ITPR1: variants seen among roughly 807,000 people sequenced by gnomAD.
ITPR1 encodes the protein inositol 1,4,5-trisphosphate receptor type 1, also known as inositol 1,4,5-trisphosphate-gated calcium channel ITPR1.
A neutral mutation model predicts 318.4 loss-of-function variants in ITPR1; 96 were observed. The ratio of observed to expected loss-of-function variants is 0.30; its 90% CI spans 0.26 to 0.36. The LOEUF is 0.36. Among genes scored for constraint, ITPR1 ranks in the 10% least tolerant of loss-of-function variants. ITPR1 has a pLI of 1.00. For synonymous variants in ITPR1, 1,312 were observed against 1,289.9 expected, an observed-to-expected ratio of 1.02 and a Z score of -0.37; for missense variants, 2,440 against 3,460.2, an observed-to-expected ratio of 0.71 and a Z score of 7.40.
At chr3:4,646,031 ACAAATT>A (rs575816286) in intron 10 of ITPR1, 47 of 305,908 alleles carry the variant, frequency 1.5e-4, no homozygotes, top group Middle Eastern at 1.0e-3. Context: ...TACTTTGGAA[ACAAATT>A]CAAAAACGAA....
chr3:4,578,978 C>G (rs903585762), intron 4 of ITPR1, among the ~76,000 whole-genome samples: 11 of 152,084 alleles, frequency 7.2e-5, no homozygotes, highest in Admixed American at 4.6e-4. Context: ...CTGAGTAGAA[C>G]AAAAATTCCA....
chr3:4,644,393 G>A (rs1268391877), intron 8 of ITPR1, among the ~76,000 whole-genome samples, 159 bp downstream of exon 8: 4 of 152,224 alleles, frequency 2.6e-5, no homozygotes, highest in Admixed American at 1.3e-4. Context: ...AGGCTGCCGT[G>A]TAAGGTTGTG....
intron 60 of ITPR1, among the ~76,000 whole-genome samples, chr3:4,829,350 G>C (rs945854635): frequency 6.6e-6 from 1 of 152,088 alleles, no homozygotes; most frequent in Non-Finnish European, 1.5e-5. Flanking sequence ...ATATGCATGT[G>C]GTCTGAAGTC....
intron 36 of ITPR1, among the ~76,000 whole-genome samples, chr3:4,704,690 G>A (rs775569213): frequency 1.3e-5 from 2 of 152,160 alleles, no homozygotes; most frequent in East Asian, 3.8e-4. Context: ...GCTCATTAGA[G>A]AGGGGAAGTC....
chr3:4,755,322 C>T (rs2044879201), intron 44 of ITPR1, among the ~76,000 whole-genome samples: 1 of 152,014 alleles, frequency 6.6e-6, no homozygotes, highest in Admixed American at 6.6e-5. Context: ...GTCCCAGTTC[C>T]CGTGGGCACT....
rs541266181 is a variant in ITPR1 at position 4,670,246 on chromosome 3, C to T, written c.2006+473C>T. On this transcript the variant is annotated intron_variant, in intron 19 of 61. Transcript: ENST00000649015. ...GCAGTTTTCCTGAGAAGTACAGTGC[C>T]GGTAATATGGACAGCCTTAAAAAAC... 1.2e-3 allele frequency among the ~76,000 whole-genome samples: 186 copies of T among 152,204 alleles called. 2 individuals are homozygous for T. Among genetic ancestry groups the T allele is most frequent in the African/African-American group, 4.0e-3 (168 of 41,512 alleles).
intron 4 of ITPR1, among the ~76,000 whole-genome samples, chr3:4,599,317 C>A (rs1301925665): frequency 6.6e-6 from 1 of 152,226 alleles, no homozygotes; most frequent in African/African-American, 2.4e-5. Flanking sequence ...GACTCCTGCT[C>A]ACGCTTGTTT....
At chr3:4,688,895 A>C (rs979301682) in intron 31 of ITPR1, among the ~76,000 whole-genome samples, 1 of 152,236 alleles carries the variant, frequency 6.6e-6, no homozygotes, top group Non-Finnish European at 1.5e-5. Flanking sequence ...TCATTGTATC[A>C]AACTTCAGCA....
chr3:4,750,304 C>A (rs1442898513), intron 44 of ITPR1: 3 of 151,922 alleles, frequency 2.0e-5, no homozygotes, highest in Non-Finnish European at 4.4e-5. Context: ...GATGGCCATG[C>A]AGAGCACCCT....
chr3:4,769,345 C>T (rs906409856), intron 46 of ITPR1, among the ~76,000 whole-genome samples: 1 of 152,078 alleles, frequency 6.6e-6, no homozygotes, highest in Non-Finnish European at 1.5e-5. Flanking sequence ...TCTGTATGTG[C>T]CTATTGATGT....
Position 4,776,070 on chromosome 3 carries a change from G to A in ITPR1, c.6180+628G>A, listed in dbSNP as rs534949911. Among the ~76,000 whole-genome samples, 243 of 152,220 alleles carry A rather than the reference G, an allele frequency of 1.6e-3. 2 individuals carry two copies. The highest frequency in any genetic ancestry group is 5.5e-3 in the African/African-American group (227 of 41,526). ...GAGTTTTTGCATTGTGCTAGGTTGA[G>A]TATGATGTTTTGTTTGTTTGTTTTT... On this transcript the variant is annotated intron_variant, in intron 47 of 61. Coordinates refer to ENST00000649015, the MANE Select transcript of ITPR1 (RefSeq NM_001378452.1).
In ITPR1 at chr3:4,710,174, A is replaced by T. The variant is rs971162367; in HGVS notation, c.4843-151A>T. The T allele has an allele frequency of 1.7e-6, 1 of 602,312 alleles. No individual in the cohort carries two copies. Among genetic ancestry groups the T allele is most frequent in the Non-Finnish European group, 2.5e-6 (1 of 397,164 alleles). The allele number at this position is 602,312 out of a possible 1,614,324, so 37.3% of individuals were successfully genotyped here. On this transcript the variant is annotated intron_variant, in intron 37 of 61. Coordinates refer to ENST00000649015, the MANE Select transcript of ITPR1 (RefSeq NM_001378452.1). The surrounding 1 kb of genome is among the most constrained non-coding windows in gnomAD (Gnocchi z 4.2). The stretch of plus-strand genomic sequence containing the variant: ...TAATGTTTCAGGTAACCATTGGGCA[A>T]TGTCTAATAATTTGAGATGCCAGAC...
At chr3:4,836,082 C>T (rs940884898) in intron 60 of ITPR1, among the ~76,000 whole-genome samples, 2 of 152,166 alleles carry the variant, frequency 1.3e-5, no homozygotes, top group Non-Finnish European at 2.9e-5. Flanking sequence ...TACATGCACA[C>T]GTATCTGTTA....
intron 4 of ITPR1, among the ~76,000 whole-genome samples, chr3:4,624,049 C>G (rs2092733908): frequency 6.6e-6 from 1 of 152,178 alleles, no homozygotes; most frequent in Admixed American, 6.5e-5. Flanking sequence ...CTTGCTGGTA[C>G]TGTGAACAGT....
At chr3:4,671,808 T>C (rs2094091147) in intron 20 of ITPR1, 1 of 152,270 alleles carries the variant, frequency 6.6e-6, no homozygotes, top group East Asian at 1.9e-4. Context: ...CTGTATTCTG[T>C]TCTTTCATTC....
chr3:4,770,783 G>A (rs1438989537), intron 46 of ITPR1, among the ~76,000 whole-genome samples: 1 of 152,206 alleles, frequency 6.6e-6, no homozygotes, highest in Non-Finnish European at 1.5e-5. Context: ...GTGGAGCAAA[G>A]CACTTATGCC....
intron 4 of ITPR1, among the ~76,000 whole-genome samples, chr3:4,538,889 G>T (rs1297103107): frequency 6.6e-6 from 1 of 152,088 alleles, no homozygotes; most frequent in Non-Finnish European, 1.5e-5. Context: ...GATGGGTGAG[G>T]GGAGGAAGAG....
At chr3:4,675,610 C>G (rs2094168205) in intron 23 of ITPR1, among the ~76,000 whole-genome samples, 1 of 151,986 alleles carries the variant, frequency 6.6e-6, no homozygotes, top group African/African-American at 2.4e-5. Flanking sequence ...AAATACATGT[C>G]CTATCATTGT....
At chr3:4,646,565 G>A (rs2093462716) in intron 10 of ITPR1, among the ~76,000 whole-genome samples, 2 of 152,192 alleles carry the variant, frequency 1.3e-5, no homozygotes, top group African/African-American at 4.8e-5. Flanking sequence ...TAGGGAGTTG[G>A]GATTTAATTT....
Sources: gnomAD v4.1 joint callset for allele counts (sites outside exome capture counted in the v4.1 genomes callset) on GRCh38, gnomAD v4.1.1 for gene constraint, Gnocchi (gnomAD v3.1) non-coding constraint, MANE v1.5 for transcripts, NCBI Gene and HGNC (gene_info 2026-07-23, HGNC 2026-07-21) for gene names.